ACOT12: variants seen among roughly 807,000 people sequenced by gnomAD.
ACOT12 encodes acetyl-coenzyme A thioesterase.
ACOT12 carries 51 observed loss-of-function variants against 67.7 expected under a neutral mutation model. The ratio of observed to expected loss-of-function variants is 0.75; its 90% CI spans 0.60 to 0.95. ACOT12 has a LOEUF of 0.95. ACOT12 is among the 40% of genes least tolerant of loss of function. The probability of loss-of-function intolerance (pLI) is 0.00; values close to 1 mark genes in which losing one functional copy is unlikely to be tolerated. For synonymous variants in ACOT12, 251 were observed against 244.6 expected, an observed-to-expected ratio of 1.03 and a Z score of -0.24; for missense variants, 734 against 708.1, an observed-to-expected ratio of 1.04 and a Z score of -0.41.
intron 3 of ACOT12, among the ~76,000 whole-genome samples, chr5:81,370,377 T>C (rs376888165): frequency 2.0e-4 from 31 of 152,318 alleles, no homozygotes; most frequent in East Asian, 7.7e-4. Flanking sequence ...TGAACTGTGT[T>C]CCCCCTTCCA....
intron 2 of ACOT12, among the ~76,000 whole-genome samples, chr5:81,372,258 C>T (rs1042919416): frequency 2.0e-5 from 3 of 152,164 alleles, no homozygotes; most frequent in Non-Finnish European, 1.5e-5. Context: ...TGTATGGGCC[C>T]TCAATGATGC....
intron 2 of ACOT12, among the ~76,000 whole-genome samples, chr5:81,375,844 T>C (rs1029002826): frequency 4.6e-5 from 7 of 152,138 alleles, no homozygotes; most frequent in African/African-American, 1.7e-4. Flanking sequence ...TAGAGAAAGT[T>C]CTTAGAGACC....
At chr5:81,327,013 TTC>T (rs776070191), downstream of ACOT12, among the ~76,000 whole-genome samples, 1 of 152,118 alleles carries the variant, frequency 6.6e-6, no homozygotes, top group Non-Finnish European at 1.5e-5. Flanking sequence ...AACATATATT[TTC>T]TTTTTTTAAC....
intron 5 of ACOT12, among the ~76,000 whole-genome samples, chr5:81,351,548 C>T (rs181436454): frequency 6.6e-6 from 1 of 152,258 alleles, no homozygotes; most frequent in Admixed American, 6.5e-5. Context: ...ACTGGATACT[C>T]ATATGCAGAA....
intron 6 of ACOT12, 27 bp from the exon 7 acceptor site, chr5:81,346,031 A>G: frequency 1.2e-6 from 2 of 1,609,464 alleles, no homozygotes; most frequent in Non-Finnish European, 1.7e-6. Flanking sequence ...AGGGAGAGAG[A>G]AGAAAGCGAT....
At chr5:81,383,295 C>T (rs1206254627) in intron 2 of ACOT12, among the ~76,000 whole-genome samples, 1 of 152,100 alleles carries the variant, frequency 6.6e-6, no homozygotes, top group Non-Finnish European at 1.5e-5. Context: ...AGGACAATCG[C>T]TTGAACCTGG....
In ACOT12 at chr5:81,330,241, T is replaced by C. The variant is rs182908676; in HGVS notation, c.*153A>G. On this transcript the variant is annotated 3_prime_UTR_variant, in exon 15 of 15. Transcript: ENST00000307624. ...CTAATCCAAATCACTGGTATTTGAC[T>C]TAAGATGCATTTTGTTTTTTAACTC... The C allele has an allele frequency of 2.2e-4, 166 of 770,432 alleles. No homozygotes were observed. Among genetic ancestry groups the C allele is most frequent in the Admixed American group, 8.0e-4 (26 of 32,410 alleles). 47.7% of individuals were successfully genotyped at this position (770,432 alleles called of 1,614,324 possible). A position where few individuals can be genotyped will look rare whatever the true frequency, so the allele number is the denominator to read the frequency against.
At chr5:81,341,595 C>A (rs1488629498) in intron 11 of ACOT12, among the ~76,000 whole-genome samples, 6 of 152,174 alleles carry the variant, frequency 3.9e-5, no homozygotes, top group Non-Finnish European at 1.5e-5. Context: ...ATGAATGTAG[C>A]CAAAGTGCTG....
chr5:81,361,695 C>A (rs1016796604), intron 4 of ACOT12, among the ~76,000 whole-genome samples: 1 of 152,200 alleles, frequency 6.6e-6, no homozygotes, highest in Non-Finnish European at 1.5e-5. Flanking sequence ...CCTCCACCCT[C>A]TCTGAGGCTG....
rs766028320 is a variant in ACOT12, at chr5:81,343,876, T to G, written c.986A>C (p.Tyr329Ser). The G allele has an allele frequency of 6.2e-6, 10 of 1,612,852 alleles. No homozygotes were observed. The highest frequency in any genetic ancestry group is 7.6e-6 in the Non-Finnish European group (9 of 1,179,642). The change falls in exon 10 of 15, where the codon TAT becomes TCT. Residue 329 changes from tyrosine to serine, a missense_variant. Physicochemically the swap from Tyr to Ser is moderately radical, Grantham distance 144. Transcript: ENST00000307624. ...ARKRIRLGRK[Y>S]VISHKEEVPL... ...AACCTCTTCTTTGTGGGAAATAACA[T>G]ATTTTCTGGAAAAAAAAATTAAAGT...
At chr5:81,360,411 G>T (rs1483388327) in intron 4 of ACOT12, among the ~76,000 whole-genome samples, 1 of 148,394 alleles carries the variant, frequency 6.7e-6, no homozygotes, top group African/African-American at 2.4e-5. Context: ...AATTAAGAAA[G>T]CAAAGAGAGG....
intron 5 of ACOT12, among the ~76,000 whole-genome samples, chr5:81,359,325 C>A (rs74316052): frequency 0.029 from 4,397 of 152,262 alleles, 82 homozygotes; most frequent in Middle Eastern, 0.075. Context: ...CTTTCCCTAC[C>A]AGTCTGGCTC....
intron 8 of ACOT12, 149 bp from the exon 9 acceptor site, chr5:81,344,364 A>C (rs991331170): frequency 1.2e-5 from 9 of 733,366 alleles, no homozygotes; most frequent in African/African-American, 1.1e-4. Flanking sequence ...ATCAAGTCAG[A>C]GTCTCTGTGC....
intron 1 of ACOT12, among the ~76,000 whole-genome samples, chr5:81,391,208 T>G (rs1760855629): frequency 6.6e-6 from 1 of 152,234 alleles, no homozygotes; most frequent in Non-Finnish European, 1.5e-5. Context: ...ATTTTAGGGC[T>G]CTGTCTCTCT....
downstream of ACOT12, among the ~76,000 whole-genome samples, chr5:81,329,684 T>C (rs1204731264): frequency 6.6e-6 from 1 of 152,220 alleles, no homozygotes; most frequent in East Asian, 1.9e-4. Context: ...AATGTTGAAG[T>C]CTACGGAATA....
At chr5:81,308,971 T>C in the ACOT12 span, 3 of 1,613,494 alleles carry the variant, frequency 1.9e-6, no homozygotes, top group African/African-American at 2.7e-5. Context: ...CAAAATGTTT[T>C]GTTTGTGGAG....
At chr5:81,361,095 A>G (rs1043348215) in intron 4 of ACOT12, among the ~76,000 whole-genome samples, 2 of 151,406 alleles carry the variant, frequency 1.3e-5, no homozygotes, top group African/African-American at 4.8e-5. Context: ...AAAAAAAAAA[A>G]AAAAGAAATA....
chr5:81,369,951 G>T (rs1383518177), intron 3 of ACOT12, among the ~76,000 whole-genome samples: 1 of 152,130 alleles, frequency 6.6e-6, no homozygotes, highest in Non-Finnish European at 1.5e-5. Flanking sequence ...TTCTTCAAGT[G>T]CTTTGTATTC....
chr5:81,309,939 G>A, the ACOT12 span, among the ~76,000 whole-genome samples: 3 of 152,048 alleles, frequency 2.0e-5, no homozygotes, highest in Non-Finnish European at 4.4e-5. Flanking sequence ...CTTATAATCA[G>A]TGGTGTCTTA....
Sources: allele counts gnomAD v4.1 joint callset (sites outside exome capture counted in the v4.1 genomes callset), GRCh38; gene constraint gnomAD v4.1.1; transcripts MANE v1.5; gene names NCBI Gene and HGNC (gene_info 2026-07-23, HGNC 2026-07-21).